CDC42BPA: variants seen among roughly 807,000 people sequenced by gnomAD.
CDC42BPA encodes the protein serine/threonine-protein kinase MRCK alpha.
CDC42BPA carries 80 observed loss-of-function variants against 223.5 expected under a neutral mutation model. The ratio of observed to expected loss-of-function variants is 0.36; its 90% CI spans 0.30 to 0.43. The LOEUF (loss-of-function observed/expected upper bound fraction) is 0.43, where lower values mean the gene tolerates loss of function less well. Among genes scored for constraint, CDC42BPA ranks in the 20% least tolerant of loss-of-function variants. CDC42BPA has a pLI of 1.00. For synonymous variants in CDC42BPA, 694 were observed against 718.6 expected, an observed-to-expected ratio of 0.97 and a Z score of 0.55; for missense variants, 1,743 against 2,099.9, an observed-to-expected ratio of 0.83 and a Z score of 3.32.
At chr1:227,044,904 T>C (rs1260587955) in intron 23 of CDC42BPA, among the ~76,000 whole-genome samples, 1 of 152,144 alleles carries the variant, frequency 6.6e-6, no homozygotes, top group African/African-American at 2.4e-5. Context: ...CCTTTCTGTA[T>C]CTCTATCACT....
intron 32 of CDC42BPA, 100 bp downstream of exon 32, chr1:227,023,163 A>G (rs1667692836): frequency 3.2e-6 from 2 of 626,480 alleles, no homozygotes; most frequent in Admixed American, 3.2e-5. Context: ...CTGTGTTGAA[A>G]TCTGGACTCT....
intron 34 of CDC42BPA, among the ~76,000 whole-genome samples, chr1:227,010,593 T>A (rs1332037093): frequency 6.6e-6 from 1 of 152,058 alleles, no homozygotes; most frequent in Non-Finnish European, 1.5e-5. Flanking sequence ...TGGGAAAAAC[T>A]TTTATTAAAC....
At chr1:227,213,687 G>T (rs897087876) in intron 2 of CDC42BPA, among the ~76,000 whole-genome samples, 8 of 152,000 alleles carry the variant, frequency 5.3e-5, no homozygotes, top group African/African-American at 1.9e-4. Context: ...CAAACAATAT[G>T]AAATAAACTG....
chr1:227,256,236 A>C (rs11804181), intron 1 of CDC42BPA, among the ~76,000 whole-genome samples: 9,096 of 152,178 alleles, frequency 0.06, 277 homozygotes, highest in Non-Finnish European at 0.072. Flanking sequence ...ACCAAATACC[A>C]CATGTTCTCA....
At chr1:227,297,993 T>C (rs992083870) in intron 1 of CDC42BPA, among the ~76,000 whole-genome samples, 4 of 135,700 alleles carry the variant, frequency 2.9e-5, no homozygotes, top group South Asian at 2.2e-4. Flanking sequence ...TATATACATA[T>C]ATATACATAT....
chr1:227,000,422 T>A (rs1662582411), intron 35 of CDC42BPA, among the ~76,000 whole-genome samples: 1 of 152,198 alleles, frequency 6.6e-6, no homozygotes, highest in Non-Finnish European at 1.5e-5. Flanking sequence ...ATGAAAAAAT[T>A]ACTTTAACAT....
intron 14 of CDC42BPA, among the ~76,000 whole-genome samples, chr1:227,109,860 ATTG>A (rs1471225112): frequency 6.6e-6 from 1 of 151,732 alleles, no homozygotes; most frequent in East Asian, 1.9e-4. Context: ...TTAAGGGACC[ATTG>A]TTGTATATGC....
At chr1:227,304,307 G>T in intron 1 of CDC42BPA, among the ~76,000 whole-genome samples, 1 of 152,166 alleles carries the variant, frequency 6.6e-6, no homozygotes. Flanking sequence ...TCAGGAGGCT[G>T]AGGCAGAAGA....
At chr1:227,193,496 T>G (rs981801773) in intron 5 of CDC42BPA, among the ~76,000 whole-genome samples, 1 of 152,098 alleles carries the variant, frequency 6.6e-6, no homozygotes, top group Non-Finnish European at 1.5e-5. Flanking sequence ...TAATTTCTCA[T>G]CCCTCACCTC....
At chr1:227,313,700 G>C (rs1396257605) in intron 1 of CDC42BPA, among the ~76,000 whole-genome samples, 1 of 152,022 alleles carries the variant, frequency 6.6e-6, no homozygotes, top group Admixed American at 6.6e-5. Context: ...AAGAACAAAA[G>C]TGTCCTAGAA....
chr1:227,002,022 C>T (rs1662971154), intron 35 of CDC42BPA, among the ~76,000 whole-genome samples: 1 of 152,210 alleles, frequency 6.6e-6, no homozygotes. Flanking sequence ...TTTATAAAGA[C>T]TACATTTATT....
rs67536577 is a variant in CDC42BPA at position 227,089,651 on chromosome 1, T to TAA, written c.2355+2233_2355+2234dup. On this transcript the variant is annotated intron_variant, in intron 16 of 36. Coordinates refer to ENST00000366766, the MANE Select transcript of CDC42BPA (RefSeq NM_001394014.1). Reference sequence around the variant, plus strand: ...CGTTTTTTTTTTTTTTTTTTTTTTTTAAAAACAAACTATCCTTCAGGCCTC... The same window carrying TAA: ...CGTTTTTTTTTTTTTTTTTTTTTTTTAAAAAAACAAACTATCCTTCAGGCCTC... 8.3e-3 allele frequency among the ~76,000 whole-genome samples: 992 copies of TAA among 118,858 alleles called. 3 individuals carry two copies. The highest frequency in any genetic ancestry group is 0.012 in the Non-Finnish European group (686 of 56,346). 78.0% of individuals were successfully genotyped at this position (118,858 alleles called of 152,430 possible).
At chr1:227,112,263 A>T in intron 14 of CDC42BPA, 49 bp downstream of exon 14, 1 of 1,145,680 alleles carries the variant, frequency 8.7e-7, no homozygotes, top group Non-Finnish European at 1.3e-6. Flanking sequence ...TAACAAGCCT[A>T]AAGAGAAGAA....
chr1:227,096,405 T>C (rs1684010796), intron 15 of CDC42BPA, among the ~76,000 whole-genome samples: 1 of 152,220 alleles, frequency 6.6e-6, no homozygotes, highest in South Asian at 2.1e-4. Flanking sequence ...GTGTCACAAT[T>C]CATTTCCTAA....
intron 34 of CDC42BPA, among the ~76,000 whole-genome samples, chr1:227,006,409 C>A (rs1044555513): frequency 6.6e-6 from 1 of 152,178 alleles, no homozygotes; most frequent in African/African-American, 2.4e-5. Flanking sequence ...TGCTGCACAG[C>A]TGACTGACAG....
intron 4 of CDC42BPA, among the ~76,000 whole-genome samples, chr1:227,197,744 G>A (rs1024348481): frequency 1.3e-5 from 2 of 151,908 alleles, no homozygotes; most frequent in Non-Finnish European, 2.9e-5. Context: ...AGAATACACT[G>A]TCATAGTGGA....
intron 19 of CDC42BPA, among the ~76,000 whole-genome samples, chr1:227,073,218 T>C (rs890518054): frequency 5.3e-5 from 8 of 152,140 alleles, no homozygotes; most frequent in Non-Finnish European, 1.2e-4. Context: ...TGTTCCTCTA[T>C]GTCACTTAAA....
At chr1:227,272,687 C>T (rs1686155149) in intron 1 of CDC42BPA, among the ~76,000 whole-genome samples, 1 of 152,142 alleles carries the variant, frequency 6.6e-6, no homozygotes, top group Non-Finnish European at 1.5e-5. Context: ...TCCCTAATAG[C>T]TAGTATTACA....
chr1:227,185,338 C>T (rs975972472), intron 5 of CDC42BPA, among the ~76,000 whole-genome samples: 4 of 152,092 alleles, frequency 2.6e-5, no homozygotes, highest in Non-Finnish European at 2.9e-5. Context: ...CAAATGTTAG[C>T]CATTAGAAAC....
Sources: gnomAD v4.1 joint callset for allele counts (sites outside exome capture counted in the v4.1 genomes callset) on GRCh38, gnomAD v4.1.1 for gene constraint, MANE v1.5 for transcripts, NCBI Gene and HGNC (gene_info 2026-07-23, HGNC 2026-07-21) for gene names.